Variants in ELAVL3 observed in about 807,000 individuals in gnomAD.
The protein encoded by ELAVL3 is ELAV like RNA binding protein 3.
A neutral mutation model predicts 34.2 loss-of-function variants in ELAVL3; 8 were observed. The ratio of observed to expected loss-of-function variants is 0.23; its 90% CI spans 0.14 to 0.42. The LOEUF (loss-of-function observed/expected upper bound fraction) is 0.42. ELAVL3 is among the 10% of genes least tolerant of loss of function. ELAVL3 has a pLI of 1.00. For synonymous variants in ELAVL3, 209 were observed against 222.1 expected (o/e 0.94, Z 0.53); for missense variants, 273 against 518.8 (o/e 0.53, Z 4.60).
At chr19:11,464,251 C>T (rs1970963960) in intron 3 of ELAVL3, among the ~76,000 whole-genome samples, 2 of 150,220 alleles carry the variant, frequency 1.3e-5, no homozygotes, top group African/African-American at 4.9e-5. Flanking sequence ...AGCCTCGCCG[C>T]CTCAGCTTAA....
intron 3 of ELAVL3, among the ~76,000 whole-genome samples, chr19:11,459,943 C>G (rs758248421): frequency 2.6e-5 from 4 of 152,132 alleles, no homozygotes; most frequent in African/African-American, 9.7e-5. Flanking sequence ...CTCTTCCCAG[C>G]TACACTGGGC....
Position 11,466,848 on chromosome 19 carries a change from C to T in ELAVL3, c.10-21G>A, listed in dbSNP as rs1175070204. On this transcript the variant is annotated intron_variant, in intron 1 of 6. Coordinates refer to ENST00000359227, the MANE Select transcript of ELAVL3 (RefSeq NM_001420.4). The surrounding 1 kb of genome is among the most constrained non-coding windows in gnomAD (Gnocchi z 5.0). ...ATCTGCTGGAGATAACAGGTCGCAT[C>T]CGCTCACCGCCCAGTCCCCACACCA... The T allele has an allele frequency of 6.4e-7, 1 of 1,563,460 alleles. No individual in the cohort carries two copies. Among genetic ancestry groups the T allele is most frequent in the Non-Finnish European group, 8.7e-7 (1 of 1,151,890 alleles).
chr19:11,469,278 C>CT (rs1043342276), intron 1 of ELAVL3, among the ~76,000 whole-genome samples: 4 of 151,262 alleles, frequency 2.6e-5, no homozygotes, highest in Non-Finnish European at 4.4e-5. Flanking sequence ...AATTGATTTT[C>CT]TTTTTTTTGC....
intron 1 of ELAVL3, among the ~76,000 whole-genome samples, chr19:11,472,304 C>T (rs1408997340): frequency 1.3e-5 from 2 of 152,158 alleles, no homozygotes; most frequent in Middle Eastern, 3.2e-3. Context: ...CAAGATCGCA[C>T]CACTGCACTC....
chr19:11,465,269 C>A (rs1599540329), intron 3 of ELAVL3, among the ~76,000 whole-genome samples: 1 of 112,738 alleles, frequency 8.9e-6, no homozygotes, highest in Non-Finnish European at 1.7e-5. Context: ...CACACATACA[C>A]CACACACATA....
chr19:11,477,186 G>A (rs1002676835), intron 1 of ELAVL3, among the ~76,000 whole-genome samples: 1 of 152,156 alleles, frequency 6.6e-6, no homozygotes, highest in Non-Finnish European at 1.5e-5. Flanking sequence ...ACCTCTCTAT[G>A]CCTTTCTGTT....
chr19:11,458,488 T>C lies in ELAVL3; in HGVS notation c.457A>G (p.Thr153Ala). Residue 153 changes from threonine to alanine, a missense_variant, in exon 4 of 7, where the codon ACG (threonine) becomes GCG (alanine). Thr to Ala is a moderately conservative substitution (Grantham distance 58, BLOSUM62 0). Coordinates refer to ENST00000359227, the MANE Select transcript of ELAVL3 (RefSeq NM_001420.4). This position sits in a 1 kb window ranked among gnomAD's most constrained non-coding sequence, Gnocchi z 7.3. ...QLFSQYGRII[T>A]SRILVDQVTG... ...ACCTGGTCCACCAGGATGCGGGACG[T>C]GATGATGCGGCCGTACTGGGAGAAG... 6.2e-7 allele frequency: 1 copy of C among 1,614,120 alleles called. No individual in the cohort carries two copies. The highest frequency in any genetic ancestry group is 8.5e-7 in the Non-Finnish European group (1 of 1,180,026).
rs758629668 is a variant in ELAVL3 at position 11,480,647 on chromosome 19, G to T, written c.-39C>A. 2.1e-6 allele frequency: 3 copies of T among 1,415,942 alleles called. No homozygotes were observed. In the African/African-American group the frequency reaches 4.4e-5, roughly 21 times the overall value. The allele number at this position is 1,415,942 out of a possible 1,614,324, so 87.7% of individuals were successfully genotyped here. A position where few individuals can be genotyped will look rare whatever the true frequency, so the allele number is the denominator to read the frequency against. Reference sequence around the variant, plus strand: ...GCGGGCGCGGTCCGTGTTGAGGGGGGCTCCGGGGGTGGTGCACTCCTAGGG... The same window carrying T: ...GCGGGCGCGGTCCGTGTTGAGGGGGTCTCCGGGGGTGGTGCACTCCTAGGG... On this transcript the variant is annotated 5_prime_UTR_variant, in exon 1 of 7. Coordinates refer to ENST00000359227, the MANE Select transcript of ELAVL3 (RefSeq NM_001420.4). This position sits in a 1 kb window ranked among gnomAD's most constrained non-coding sequence, Gnocchi z 6.8.
chr19:11,462,294 GA>G (rs200980002), intron 3 of ELAVL3, among the ~76,000 whole-genome samples: 20 of 150,912 alleles, frequency 1.3e-4, no homozygotes, highest in Admixed American at 2.6e-4. Context: ...GGGTTCTCCA[GA>G]AAAAAAAATC....
Position 11,480,779 on chromosome 19 carries a change from G to A in ELAVL3, c.-171C>T. ...TCCCTCGAGGGCCAGGGACGGGCCC[G>A]AACCCGGGGATGCGCGCGCGGATGG... On this transcript the variant is annotated 5_prime_UTR_variant, in exon 1 of 7. Coordinates refer to ENST00000359227, the MANE Select transcript of ELAVL3 (RefSeq NM_001420.4). This position sits in a 1 kb window ranked among gnomAD's most constrained non-coding sequence, Gnocchi z 6.8. The A allele has an allele frequency of 1.9e-6, 1 of 533,000 alleles. No homozygotes were observed. Among genetic ancestry groups the A allele is most frequent in the Non-Finnish European group, 2.9e-6 (1 of 346,108 alleles). The allele number at this position is 533,000 out of a possible 1,614,324, so 33.0% of individuals were successfully genotyped here. A position where few individuals can be genotyped will look rare whatever the true frequency, so the allele number is the denominator to read the frequency against.
chr19:11,478,889 G>T (rs1971313870), intron 1 of ELAVL3, among the ~76,000 whole-genome samples: 1 of 152,174 alleles, frequency 6.6e-6, no homozygotes, highest in Admixed American at 6.6e-5. Flanking sequence ...GAGTGGCTAT[G>T]CATGGTGAGG....
At chr19:11,469,889 C>T (rs1466431800) in intron 1 of ELAVL3, among the ~76,000 whole-genome samples, 4 of 152,002 alleles carry the variant, frequency 2.6e-5, no homozygotes, top group Non-Finnish European at 5.9e-5. Context: ...GAAACCCTGT[C>T]TCTACTAAAA....
At chr19:11,463,700 G>A (rs1447209004) in intron 3 of ELAVL3, among the ~76,000 whole-genome samples, 2 of 152,006 alleles carry the variant, frequency 1.3e-5, no homozygotes, top group African/African-American at 2.4e-5. Flanking sequence ...GGCCGGGTGC[G>A]GTGGCTCACA....
In ELAVL3 at chr19:11,453,598, TTCTG is replaced by T. The variant is rs1286275719; in HGVS notation, c.*924_*927del. On this transcript the variant is annotated 3_prime_UTR_variant, in exon 7 of 7. Transcript: ENST00000359227. ...GTGTCCACATGGACGTAGCCCCAGC[TTCTG>T]TCTCTTTCTGTCTATCCCTGTCCAC... 1 of 152,828 alleles carries T rather than the reference TTCTG, an allele frequency of 6.5e-6. No homozygotes were observed. Among genetic ancestry groups the T allele is most frequent in the African/African-American group, 2.4e-5 (1 of 41,438 alleles). 9.5% of individuals were successfully genotyped at this position (152,828 alleles called of 1,614,324 possible). A position where few individuals can be genotyped will look rare whatever the true frequency, so the allele number is the denominator to read the frequency against.
At chr19:11,476,367 T>A (rs1971263167) in intron 1 of ELAVL3, among the ~76,000 whole-genome samples, 1 of 151,488 alleles carries the variant, frequency 6.6e-6, no homozygotes, top group Non-Finnish European at 1.5e-5. Context: ...AGTGAGATCT[T>A]GTTTCCACCA....
chr19:11,466,720 G>T lies in ELAVL3; in HGVS notation c.117C>A (p.Thr39=), dbSNP rs959619766. Residue 39 remains threonine (T), a synonymous_variant, in exon 2 of 7, where the codon ACC becomes ACA. Coordinates refer to ENST00000359227, the MANE Select transcript of ELAVL3 (RefSeq NM_001420.4). The surrounding 1 kb of genome is among the most constrained non-coding windows in gnomAD (Gnocchi z 5.0). The part of the protein sequence containing the change: ...GTNGATDDSK[T]NLIVNYLPQN... ...GGGGCAGGTAGTTGACGATGAGGTT[G>T]GTCTTGCTGTCGTCAGTGGCTCCAT... The T allele has an allele frequency of 2.5e-6, 4 of 1,614,214 alleles. No individual in the cohort carries two copies. Among genetic ancestry groups the T allele is most frequent in the Non-Finnish European group, 2.5e-6 (3 of 1,180,036 alleles).
rs149239027 is a variant in ELAVL3, at chr19:11,454,826, G to A, written c.804C>T (p.Ser268=). ...RFSPIAIDGM[S]GLAGVGLSGG... is the part of the protein sequence containing the mutation. ...CCGACAGGCCCACGCCCGCCAGGCC[G>A]CTCATACCATCGATGGCGATCGGCG... The change falls in exon 7 of 7, where the codon AGC becomes AGT. Residue 268 remains serine (S), a synonymous_variant. Transcript: ENST00000359227. This position sits in a 1 kb window ranked among gnomAD's most constrained non-coding sequence, Gnocchi z 9.2. 26 of 1,609,342 alleles carry A rather than the reference G, an allele frequency of 1.6e-5. No homozygotes were observed. Among genetic ancestry groups the A allele is most frequent in the Admixed American group, 1.3e-4 (8 of 59,894 alleles).
chr19:11,459,523 T>C (rs1036464347), intron 3 of ELAVL3, among the ~76,000 whole-genome samples: 9 of 151,668 alleles, frequency 5.9e-5, no homozygotes, highest in Non-Finnish European at 2.9e-5. Context: ...CGCCTCCGCC[T>C]CCCAAAGTGC....
chr19:11,455,488 T>A (rs1970749164), intron 6 of ELAVL3, among the ~76,000 whole-genome samples: 1 of 152,092 alleles, frequency 6.6e-6, no homozygotes, highest in Admixed American at 6.6e-5. Flanking sequence ...GGTTTCTCCA[T>A]GTTGATCAGG....
Sources: gnomAD v4.1 joint callset for allele counts (sites outside exome capture counted in the v4.1 genomes callset) on GRCh38, gnomAD v4.1.1 for gene constraint, Gnocchi (gnomAD v3.1) non-coding constraint, MANE v1.5 for transcripts, NCBI Gene and HGNC (gene_info 2026-07-23, HGNC 2026-07-21) for gene names.